MGA: variants seen among roughly 807,000 people sequenced by gnomAD.
MGA encodes the protein MAX dimerization protein MGA, also known as MAX gene-associated protein.
MGA carries 40 observed loss-of-function variants against 261.1 expected under a neutral mutation model. The observed-to-expected ratio is 0.15, with a 90% CI of 0.12 to 0.20. The LOEUF is 0.20. Ranked by LOEUF, MGA falls within the 10% of genes least tolerant of loss-of-function variation. The pLI is 1.00. For missense variants in MGA, 3,397 were observed against 3,630.5 expected, an observed-to-expected ratio of 0.94 and a Z score of 1.65; for synonymous variants, 1,302 against 1,290.6, an observed-to-expected ratio of 1.01 and a Z score of -0.19.
At position 41,713,374 on chromosome 15, in the gene MGA, C is replaced by G. The variant is rs755740769; in HGVS notation, c.3308C>G (p.Ala1103Gly). 9.9e-6 allele frequency: 16 copies of G among 1,612,178 alleles called. No individual in the cohort carries two copies. In the Admixed American group the frequency reaches 2.7e-4, roughly 27 times the overall value. Reference sequence around the variant, plus strand: ...AAAACTAAGCATTTTCAGAGGAAGGCTGCTCATCGAGATCCAGTATTTTAT... The same window carrying G: ...AAAACTAAGCATTTTCAGAGGAAGGGTGCTCATCGAGATCCAGTATTTTAT... The change falls in exon 9 of 24, where the codon GCT becomes GGT. Residue 1103 changes from alanine to glycine, a missense_variant. By Grantham distance (60) the Ala-to-Gly change is moderately conservative. Transcript: ENST00000219905.
At chr15:41,675,029 TAA>T (rs2058302321) in intron 2 of MGA, among the ~76,000 whole-genome samples, 2 of 152,250 alleles carry the variant, frequency 1.3e-5, no homozygotes, top group African/African-American at 4.8e-5. Flanking sequence ...ATAAATCTGT[TAA>T]GTTATTCTCC....
chr15:41,748,585 A>G (rs1194503854), intron 15 of MGA, 52 bp from the exon 16 acceptor site: 7 of 1,550,218 alleles, frequency 4.5e-6, no homozygotes, highest in East Asian at 2.3e-5. Flanking sequence ...TTTTTTTCCT[A>G]CGTGTGTTAA....
intron 17 of MGA, chr15:41,751,218 T>G (rs2062812515): frequency 6.6e-6 from 1 of 152,276 alleles, no homozygotes; most frequent in Admixed American, 6.5e-5. Flanking sequence ...ATTATTTTCC[T>G]GAAGTTTTTT....
At chr15:41,697,873 T>C (rs1213981413) in intron 3 of MGA, among the ~76,000 whole-genome samples, 1 of 152,156 alleles carries the variant, frequency 6.6e-6, no homozygotes, top group Non-Finnish European at 1.5e-5. Flanking sequence ...CCAGTCTTTT[T>C]TTATTTATTT....
At chr15:41,762,499 G>A in intron 22 of MGA, 137 bp downstream of exon 22, 2 of 538,478 alleles carry the variant, frequency 3.7e-6, no homozygotes, top group South Asian at 4.7e-5. Context: ...TTTGGAGACA[G>A]CTCTGTCGCC....
At chr15:41,672,117 A>G (rs555607709) in intron 2 of MGA, among the ~76,000 whole-genome samples, 1 of 152,228 alleles carries the variant, frequency 6.6e-6, no homozygotes, top group African/African-American at 2.4e-5. Context: ...TTTGGAGGAT[A>G]GGGCCTGAAG....
intron 9 of MGA, among the ~76,000 whole-genome samples, chr15:41,725,347 C>T (rs2061167927): frequency 6.6e-6 from 1 of 152,056 alleles, no homozygotes. Flanking sequence ...CTTTAATTAA[C>T]TCTTAACAAC....
chr15:41,693,135 C>T (rs537728722), intron 2 of MGA, among the ~76,000 whole-genome samples: 70 of 152,230 alleles, frequency 4.6e-4, no homozygotes, highest in African/African-American at 1.1e-3. Flanking sequence ...CCACCACACC[C>T]GGCTTCTATT....
Position 41,749,389 on chromosome 15 carries a change from G to A in MGA, c.5782G>A (p.Gly1928Arg), listed in dbSNP as rs374245008. The A allele has an allele frequency of 1.9e-6, 3 of 1,613,880 alleles. No homozygotes were observed. The African/African-American group carries it at 4.0e-5, about 22-fold the overall frequency. Residue 1928 changes from glycine (G) to arginine (R), a missense_variant, in exon 17 of 24, where the codon GGA (glycine) becomes AGA (arginine). Physicochemically the swap from Gly to Arg is moderately radical, Grantham distance 125 (BLOSUM62 -2). Around this residue, in one of 9 missense-constraint regions of MGA, gnomAD observed 1,410 missense variants for 1,386.4 expected, o/e 1.02. Transcript: ENST00000219905. Reference sequence around the variant, plus strand: ...AACCAAAATAACTTATAGCTCAGGAGGACAGCCTGTTGGTACAGCCAGTCT... The same window carrying A: ...AACCAAAATAACTTATAGCTCAGGAAGACAGCCTGTTGGTACAGCCAGTCT...
chr15:41,750,153 A>G lies in MGA; in HGVS notation c.6546A>G (p.Leu2182=). The change falls in exon 17 of 24, where the codon TTA becomes TTG. Residue 2182 remains leucine, a synonymous_variant. Transcript: ENST00000219905. Reference sequence around the variant, plus strand: ...GGAGAAAACATCTGAAGGGCCCCTTAACCAGGAAATGTGTTGGAGCTTCAC... The same window carrying G: ...GGAGAAAACATCTGAAGGGCCCCTTGACCAGGAAATGTGTTGGAGCTTCAC... The G allele has an allele frequency of 6.2e-7, 1 of 1,613,984 alleles. No homozygotes were observed. The highest frequency in any genetic ancestry group is 8.5e-7 in the Non-Finnish European group (1 of 1,179,888).
chr15:41,671,532 T>G (rs894841657), intron 2 of MGA, among the ~76,000 whole-genome samples: 7 of 152,078 alleles, frequency 4.6e-5, no homozygotes, highest in Non-Finnish European at 8.8e-5. Context: ...TTTCACCATG[T>G]TGGCCAGGCT....
At chr15:41,680,590 A>G (rs553621814) in intron 2 of MGA, among the ~76,000 whole-genome samples, 1 of 152,304 alleles carries the variant, frequency 6.6e-6, no homozygotes, top group East Asian at 1.9e-4. Flanking sequence ...CACTAGACTC[A>G]TAGAACTCAG....
At chr15:41,657,396 C>T (rs1234241298), upstream of MGA, among the ~76,000 whole-genome samples, 1 of 131,932 alleles carries the variant, frequency 7.6e-6, no homozygotes, top group Non-Finnish European at 1.5e-5. Flanking sequence ...CTCTGTCGTT[C>T]AGGCTGGAGT....
At chr15:41,700,984 C>A (rs971864463) in intron 5 of MGA, among the ~76,000 whole-genome samples, 7 of 152,186 alleles carry the variant, frequency 4.6e-5, no homozygotes, top group African/African-American at 1.7e-4. Flanking sequence ...TAATGGAAGG[C>A]AGCTTGTGTG....
intron 1 of MGA, among the ~76,000 whole-genome samples, chr15:41,645,083 A>G (rs898174349): frequency 2.6e-5 from 4 of 152,218 alleles, no homozygotes; most frequent in African/African-American, 7.2e-5. Flanking sequence ...TTTGGGGAGG[A>G]TAACAATTTG....
intron 1 of MGA, among the ~76,000 whole-genome samples, chr15:41,629,361 G>C (rs2056538262): frequency 6.6e-6 from 1 of 152,078 alleles, no homozygotes; most frequent in African/African-American, 2.4e-5. Flanking sequence ...GAGCTAGTTT[G>C]GATGAAGTGT....
At chr15:41,710,075 C>T (rs2060312838) in intron 7 of MGA, among the ~76,000 whole-genome samples, 1 of 152,142 alleles carries the variant, frequency 6.6e-6, no homozygotes, top group Non-Finnish European at 1.5e-5. Flanking sequence ...GATCTGCCTG[C>T]CTCAGCCTCC....
At chr15:41,695,856 G>A (rs1038268446) in intron 2 of MGA, among the ~76,000 whole-genome samples, 1 of 152,088 alleles carries the variant, frequency 6.6e-6, no homozygotes, top group Non-Finnish European at 1.5e-5. Flanking sequence ...GGCCCTTTCC[G>A]GTTTGTGTTG....
At chr15:41,763,472 G>T (rs550890445) in intron 22 of MGA, among the ~76,000 whole-genome samples, 1 of 151,766 alleles carries the variant, frequency 6.6e-6, no homozygotes, top group Non-Finnish European at 1.5e-5. Context: ...GGCCGGATGC[G>T]GTGGCTCACG....
Sources: allele counts gnomAD v4.1 joint callset (sites outside exome capture counted in the v4.1 genomes callset), GRCh38; gene constraint gnomAD v4.1.1; regional missense constraint gnomAD v4.1.1; transcripts MANE v1.5; gene names NCBI Gene and HGNC (gene_info 2026-07-23, HGNC 2026-07-21).